EYS: variants seen among roughly 807,000 people sequenced by gnomAD.
EYS encodes EGF-like photoreceptor maintenance factor, also known as protein eyes shut homolog.
A neutral mutation model predicts 282.1 loss-of-function variants in EYS; 250 were observed. The ratio of observed to expected loss-of-function variants is 0.89; its 90% CI spans 0.80 to 0.98. The LOEUF (loss-of-function observed/expected upper bound fraction) is 0.98. EYS is among the 50% of genes least tolerant of loss of function. EYS has a pLI of 0.00. For missense variants in EYS, 4,016 were observed against 3,709.0 expected (o/e 1.08, Z -2.15); for synonymous variants, 1,355 against 1,282.9 (o/e 1.06, Z -1.20).
At chr6:65,681,403 C>A (rs183460922) in intron 1 of EYS, among the ~76,000 whole-genome samples, 364 of 152,042 alleles carry the variant, frequency 2.4e-3, no homozygotes, top group African/African-American at 8.4e-3. Context: ...TTTCATAATA[C>A]CACACTTTGA....
intron 35 of EYS, among the ~76,000 whole-genome samples, chr6:63,894,939 CAGAA>C (rs1381125049): frequency 6.6e-6 from 1 of 151,934 alleles, no homozygotes; most frequent in African/African-American, 2.4e-5. Flanking sequence ...ATGGCAGCCC[CAGAA>C]AACTAATACA....
chr6:65,245,238 G>T (rs977268483), intron 12 of EYS, among the ~76,000 whole-genome samples: 1 of 152,112 alleles, frequency 6.6e-6, no homozygotes. Context: ...AACGTAACTA[G>T]CAAATGGAAT....
rs539311116 is a variant in EYS, at chr6:65,286,664, A to G, written c.2023+9199T>C. ...AATTCTTTCTTTGAGAGTACTAAAA[A>G]TGTTCTGAATAAAAAGGGAAGAAAA... On this transcript the variant is annotated intron_variant, in intron 12 of 42. Coordinates refer to ENST00000503581, the MANE Select transcript of EYS (RefSeq NM_001142800.2). 6.9e-4 allele frequency among the ~76,000 whole-genome samples: 105 copies of G among 151,818 alleles called. 1 individual carries two copies. Among genetic ancestry groups the G allele is most frequent in the African/African-American group, 2.5e-3 (103 of 41,508 alleles).
At chr6:65,345,530 A>C (rs982978926) in intron 9 of EYS, among the ~76,000 whole-genome samples, 4 of 151,788 alleles carry the variant, frequency 2.6e-5, no homozygotes, top group Non-Finnish European at 5.9e-5. Context: ...ATGATTTTTA[A>C]AACTATTTTA....
intron 5 of EYS, among the ~76,000 whole-genome samples, chr6:65,441,936 G>C (rs904252332): frequency 6.6e-6 from 1 of 151,986 alleles, no homozygotes; most frequent in Non-Finnish European, 1.5e-5. Flanking sequence ...TTGCTTGCTT[G>C]AAAAACTAAA....
intron 29 of EYS, among the ~76,000 whole-genome samples, chr6:64,343,336 A>C (rs1468950187): frequency 1.4e-5 from 2 of 145,068 alleles, no homozygotes; most frequent in Admixed American, 1.4e-4. Context: ...ATGTAAAAGA[A>C]CAGAAATTAT....
At chr6:64,298,739 G>C (rs1005853280) in intron 30 of EYS, among the ~76,000 whole-genome samples, 62 of 151,726 alleles carry the variant, frequency 4.1e-4, no homozygotes, top group African/African-American at 1.3e-3. Flanking sequence ...CCTGCAGAAT[G>C]GATAAAAACA....
chr6:64,521,408 G>A (rs1276960930), intron 26 of EYS, among the ~76,000 whole-genome samples: 2 of 151,596 alleles, frequency 1.3e-5, no homozygotes, highest in Admixed American at 1.3e-4. Context: ...GACTCATGAG[G>A]GGCTACCACA....
rs79527571 is a variant in EYS, at chr6:64,683,325, A to G, written c.3444-57080T>C. On this transcript the variant is annotated intron_variant, in intron 22 of 42. Coordinates refer to ENST00000503581, the MANE Select transcript of EYS (RefSeq NM_001142800.2). ...AGAGAAATAATTAAAAGGAGCCAATATCAATATATTTAAGGAGTTAAAAAA... is the reference window on the plus strand; with the variant it reads ...AGAGAAATAATTAAAAGGAGCCAATGTCAATATATTTAAGGAGTTAAAAAA... 5.4e-3 allele frequency among the ~76,000 whole-genome samples: 830 copies of G among 152,314 alleles called. 3 individuals are homozygous for G. Among genetic ancestry groups the G allele is most frequent in the Non-Finnish European group, 9.2e-3 (625 of 68,028 alleles).
intron 1 of EYS, among the ~76,000 whole-genome samples, chr6:65,683,957 C>T (rs1180454398): frequency 2.0e-5 from 3 of 151,810 alleles, no homozygotes; most frequent in Non-Finnish European, 4.4e-5. Context: ...AATTTTGGAC[C>T]AAAGTTTTAG....
Position 65,495,245 on chromosome 6 carries a change from C to G in EYS, c.166G>C (p.Asp56His), listed in dbSNP as rs1174837547. 6.2e-7 allele frequency: 1 copy of G among 1,614,154 alleles called. No homozygotes were observed. The highest frequency in any genetic ancestry group is 8.5e-7 in the Non-Finnish European group (1 of 1,180,034). ...TENICLDFYR[D>H]CWFLGVNTKI... ...GTGTTTACACCCAAAAACCAGCAATCTCTGTAGAAGTCCAAGCAGATGTTT... is the reference window on the plus strand; with the variant it reads ...GTGTTTACACCCAAAAACCAGCAATGTCTGTAGAAGTCCAAGCAGATGTTT... The change falls in exon 4 of 43, where the codon GAT (aspartate) becomes CAT (histidine). Residue 56 changes from aspartate (D) to histidine (H), a missense_variant. Coordinates refer to ENST00000503581, the MANE Select transcript of EYS (RefSeq NM_001142800.2).
intron 26 of EYS, among the ~76,000 whole-genome samples, chr6:64,507,091 T>TG: frequency 6.6e-6 from 1 of 151,916 alleles, no homozygotes; most frequent in African/African-American, 2.4e-5. Context: ...AACATTTTTG[T>TG]GGTAACATGG....
intron 26 of EYS, among the ~76,000 whole-genome samples, chr6:64,585,163 G>A (rs1766195586): frequency 6.6e-6 from 1 of 151,974 alleles, no homozygotes; most frequent in Admixed American, 6.6e-5. Context: ...TCATGTCCTT[G>A]GCAGCAATAG....
chr6:63,877,776 G>A (rs986126645), intron 35 of EYS, among the ~76,000 whole-genome samples: 2 of 152,258 alleles, frequency 1.3e-5, no homozygotes, highest in Middle Eastern at 6.8e-3. Flanking sequence ...ACTGAAGCTT[G>A]TGCATGCATC....
At chr6:64,774,754 T>C (rs996106619) in intron 22 of EYS, among the ~76,000 whole-genome samples, 1 of 151,942 alleles carries the variant, frequency 6.6e-6, no homozygotes, top group African/African-American at 2.4e-5. Flanking sequence ...AACTTCCCAC[T>C]GTAAAATTTA....
intron 28 of EYS, among the ~76,000 whole-genome samples, chr6:64,404,193 T>C (rs1582709201): frequency 6.6e-6 from 1 of 152,180 alleles, no homozygotes; most frequent in African/African-American, 2.4e-5. Context: ...ATAAAATCTA[T>C]TAGCCTTCAA....
At chr6:63,812,145 A>G (rs1771063741) in intron 36 of EYS, among the ~76,000 whole-genome samples, 1 of 152,224 alleles carries the variant, frequency 6.6e-6, no homozygotes, top group South Asian at 2.1e-4. Flanking sequence ...ACTCCTGAAC[A>G]TAGCCTAAAT....
chr6:65,199,229 T>C (rs1422663403), intron 12 of EYS, among the ~76,000 whole-genome samples: 1 of 152,154 alleles, frequency 6.6e-6, no homozygotes, highest in African/African-American at 2.4e-5. Context: ...AATATAAATA[T>C]TTGTGTAACC....
At chr6:64,422,933 A>G (rs2150453227) in intron 28 of EYS, among the ~76,000 whole-genome samples, 1 of 152,106 alleles carries the variant, frequency 6.6e-6, no homozygotes, top group Non-Finnish European at 1.5e-5. Context: ...AAAATGTAAT[A>G]CATGTCTATT....
Sources: allele counts gnomAD v4.1 joint callset (sites outside exome capture counted in the v4.1 genomes callset), GRCh38; gene constraint gnomAD v4.1.1; transcripts MANE v1.5; gene names NCBI Gene and HGNC (gene_info 2026-07-23, HGNC 2026-07-21).